Variants in MYCBP2 observed in about 807,000 individuals in gnomAD.
MYCBP2 encodes MYC binding protein 2.
In MYCBP2, 120 loss-of-function variants were observed where a neutral mutation model predicts 525.3. The observed-to-expected ratio is 0.23, with a 90% CI of 0.20 to 0.27. The LOEUF (loss-of-function observed/expected upper bound fraction) is 0.27. MYCBP2 is among the 10% of genes least tolerant of loss of function. MYCBP2 has a pLI of 1.00. For missense variants in MYCBP2, 4,149 were observed against 5,657.1 expected, an observed-to-expected ratio of 0.73 and a Z score of 8.55; for synonymous variants, 1,894 against 1,955.8, an observed-to-expected ratio of 0.97 and a Z score of 0.83.
chr13:77,205,677 G>T (rs1327611151), intron 24 of MYCBP2, 79 bp from the exon 25 acceptor site: 2 of 1,215,960 alleles, frequency 1.6e-6, no homozygotes, highest in Non-Finnish European at 2.3e-6. Flanking sequence ...ATGCTATAGG[G>T]GATAAATTAA....
At chr13:77,080,526 TA>T (rs1339301312) in intron 65 of MYCBP2, 1 of 152,192 alleles carries the variant, frequency 6.6e-6, no homozygotes, top group Non-Finnish European at 1.5e-5. Context: ...GTGCCTTTTA[TA>T]AAAGAATATT....
At chr13:77,071,271 G>GCACACACACACACACACACACA (rs71814048) in intron 68 of MYCBP2, among the ~76,000 whole-genome samples, 1 of 142,656 alleles carries the variant, frequency 7.0e-6, no homozygotes, top group Non-Finnish European at 1.5e-5. Context: ...GTGTGCACAC[G>GCACACACACACACACACACACA]CACACACACA....
chr13:77,247,102 T>C (rs2070174525), intron 15 of MYCBP2, among the ~76,000 whole-genome samples: 1 of 152,134 alleles, frequency 6.6e-6, no homozygotes, highest in Admixed American at 6.5e-5. Flanking sequence ...CTAGAAGTTC[T>C]AGCCAGGGCA....
rs764021698 is a variant in MYCBP2, at chr13:77,166,324, C to G, written c.6340+5G>C. 2 of 1,567,002 alleles carry G rather than the reference C, an allele frequency of 1.3e-6. No individual in the cohort carries two copies. Among genetic ancestry groups the G allele is most frequent in the South Asian group, 2.4e-5 (2 of 82,970 alleles). On this transcript the variant is annotated splice_donor_5th_base_variant and intron_variant, in intron 41 of 82. Coordinates refer to ENST00000544440, the MANE Select transcript of MYCBP2 (RefSeq NM_015057.5). ...CACATAAAACAGAAGAAAAAAAAAA[C>G]TTACCTGGCAACACCAAAACCATAG...
At chr13:77,322,987 C>T (rs927047337) in intron 1 of MYCBP2, among the ~76,000 whole-genome samples, 12 of 152,158 alleles carry the variant, frequency 7.9e-5, no homozygotes, top group Admixed American at 7.9e-4. Flanking sequence ...AAGACATGAT[C>T]CTTGCCTTCT....
chr13:77,203,179 TAAAC>T (rs1255388446), intron 26 of MYCBP2, among the ~76,000 whole-genome samples: 1 of 152,188 alleles, frequency 6.6e-6, no homozygotes, highest in Non-Finnish European at 1.5e-5. Context: ...CTTAAGCTGA[TAAAC>T]AACTTCAGCA....
intron 55 of MYCBP2, among the ~76,000 whole-genome samples, chr13:77,107,886 G>C (rs1449066454): frequency 6.6e-6 from 1 of 152,078 alleles, no homozygotes; most frequent in Non-Finnish European, 1.5e-5. Flanking sequence ...CTTCTTTGTA[G>C]TAAACTTAGG....
intron 65 of MYCBP2, among the ~76,000 whole-genome samples, chr13:77,080,029 AC>A (rs1197104173): frequency 4.6e-5 from 7 of 152,224 alleles, no homozygotes; most frequent in African/African-American, 1.7e-4. Flanking sequence ...CTTAAAATGT[AC>A]CATGAGCCAA....
At chr13:77,158,744 G>A (rs977525281) in intron 44 of MYCBP2, among the ~76,000 whole-genome samples, 15 of 152,040 alleles carry the variant, frequency 9.9e-5, no homozygotes, top group Admixed American at 5.2e-4. Context: ...CACTGCATCC[G>A]GCTTCCCTCT....
At position 77,165,471 on chromosome 13, in the gene MYCBP2, C is replaced by T. The variant is rs947844507; in HGVS notation, c.6341-80G>A. ...CCCTGTCTTTTATCCAATGGACTTT[C>T]TCTTTTATCACAAGATAGGTAAAAA... On this transcript the variant is annotated intron_variant, in intron 41 of 82. Transcript: ENST00000544440. 537 of 1,011,498 alleles carry T rather than the reference C, an allele frequency of 5.3e-4. 1 individual carries two copies. The highest frequency in any genetic ancestry group is 7.4e-4 in the Non-Finnish European group (499 of 673,098). 62.7% of individuals were successfully genotyped at this position (1,011,498 alleles called of 1,614,324 possible).
intron 20 of MYCBP2, among the ~76,000 whole-genome samples, chr13:77,220,032 G>A (rs577974334): frequency 6.6e-6 from 1 of 152,224 alleles, no homozygotes; most frequent in Non-Finnish European, 1.5e-5. Flanking sequence ...GTTGAATCTG[G>A]AAATTAAGTA....
intron 18 of MYCBP2, among the ~76,000 whole-genome samples, chr13:77,232,878 C>T (rs1054974771): frequency 8.6e-5 from 13 of 152,042 alleles, no homozygotes. Flanking sequence ...TTATTTTTTC[C>T]ACCTTCCCTT....
In MYCBP2 at chr13:77,209,893, T is replaced by G. The variant is rs2063771177; in HGVS notation, c.3416+1274A>C. On this transcript the variant is annotated intron_variant, in intron 23 of 82. Transcript: ENST00000544440. ...AATTACCAAGGAGTTGGCAAGACAT[T>G]TGAGATCATCTATCCCATTGCTACC... 2.0e-5 allele frequency among the ~76,000 whole-genome samples: 3 copies of G among 152,296 alleles called. No individual in the cohort carries two copies. The Middle Eastern group carries it at 0.01, about 518-fold the overall frequency.
chr13:77,125,208 A>C, intron 54 of MYCBP2, 128 bp downstream of exon 54: 1 of 1,175,928 alleles, frequency 8.5e-7, no homozygotes, highest in Non-Finnish European at 1.2e-6. Flanking sequence ...AGATTTTTTA[A>C]CTTTTAGTTT....
At chr13:77,075,357 A>T (rs1015772530) in intron 68 of MYCBP2, among the ~76,000 whole-genome samples, 5 of 152,230 alleles carry the variant, frequency 3.3e-5, no homozygotes, top group Admixed American at 2.0e-4. Context: ...ATTCTCTTAA[A>T]AATCATGTTA....
chr13:77,214,037 A>ATT (rs1476276232), intron 21 of MYCBP2, among the ~76,000 whole-genome samples: 1 of 152,250 alleles, frequency 6.6e-6, no homozygotes, highest in African/African-American at 2.4e-5. Context: ...GCCCCCAAAA[A>ATT]GAAAGTTAAC....
intron 18 of MYCBP2, among the ~76,000 whole-genome samples, chr13:77,226,567 T>C (rs1437550089): frequency 6.6e-6 from 1 of 152,188 alleles, no homozygotes; most frequent in East Asian, 1.9e-4. Flanking sequence ...TAAACAAGTG[T>C]GTATTATATG....
At chr13:77,152,831 T>C (rs374583670) in intron 46 of MYCBP2, among the ~76,000 whole-genome samples, 10 of 152,054 alleles carry the variant, frequency 6.6e-5, no homozygotes, top group African/African-American at 2.4e-4. Flanking sequence ...TTTTGGAGTC[T>C]GAGGCGGGCG....
rs147976490 is a variant in MYCBP2, at chr13:77,125,364, G to C, written c.7989C>G (p.Gly2663=). ...GEAWSLARDR[G]GNQYLRHEDE... is the part of the protein sequence containing the mutation. ...CTTCATGTCGGAGGTACTGGTTTCC[G>C]CCTCTGTCTCTAGCTAAGGACCATG... Residue 2663 remains glycine (G), a synonymous_variant, in exon 54 of 83, where the codon GGC becomes GGG. Transcript: ENST00000544440. The C allele has an allele frequency of 4.3e-6, 7 of 1,613,688 alleles. No homozygotes were observed. The highest frequency in any genetic ancestry group is 5.1e-6 in the Non-Finnish European group (6 of 1,179,820).
Sources: allele counts gnomAD v4.1 joint callset (sites outside exome capture counted in the v4.1 genomes callset), GRCh38; gene constraint gnomAD v4.1.1; transcripts MANE v1.5; gene names NCBI Gene and HGNC (gene_info 2026-07-23, HGNC 2026-07-21).